The following FARP1 variants were observed in gnomAD, a reference collection of about 807,000 sequenced individuals.
The protein encoded by FARP1 is FERM, ARHGEF and pleckstrin domain-containing protein 1.
A neutral mutation model predicts 128.8 loss-of-function variants in FARP1; 52 were observed. That is an observed-to-expected ratio of 0.40 (90% CI 0.32 to 0.51). The LOEUF (loss-of-function observed/expected upper bound fraction) is 0.51, where lower values mean the gene tolerates loss of function less well. Ranked by LOEUF, FARP1 falls within the 20% of genes least tolerant of loss-of-function variation. The probability of loss-of-function intolerance (pLI) is 0.45; values close to 1 mark genes in which losing one functional copy is unlikely to be tolerated. For missense variants in FARP1, 1,333 were observed against 1,367.9 expected (o/e 0.97, Z 0.40); for synonymous variants, 580 against 551.8 (o/e 1.05, Z -0.72).
intron 2 of FARP1, among the ~76,000 whole-genome samples, chr13:98,267,445 C>T (rs1884174461): frequency 6.6e-6 from 1 of 152,190 alleles, no homozygotes; most frequent in African/African-American, 2.4e-5. Flanking sequence ...CTTGACTTTT[C>T]TGCTGGTCTG....
intron 1 of FARP1, among the ~76,000 whole-genome samples, chr13:98,191,012 G>A (rs534107865): frequency 1.3e-4 from 20 of 152,264 alleles, no homozygotes; most frequent in African/African-American, 4.8e-4. Flanking sequence ...CTCTGGCACT[G>A]TGCCCACCCA....
chr13:98,395,556 CCTT>C (rs1890497006), intron 13 of FARP1, 80 bp downstream of exon 13: 7 of 1,465,198 alleles, frequency 4.8e-6, no homozygotes, highest in Non-Finnish European at 6.4e-6. Flanking sequence ...GCGAATACGA[CCTT>C]CTTAGAGAAC....
rs142251812 is a variant in FARP1 at position 98,439,134 on chromosome 13, C to T, written c.2371C>T (p.Arg791Trp). 2.2e-5 allele frequency: 35 copies of T among 1,613,748 alleles called. No individual in the cohort carries two copies. Among genetic ancestry groups the T allele is most frequent in the African/African-American group, 1.9e-4 (14 of 74,942 alleles). ...LFNDVLLYTS[R>W]GLTASNQFKV... ...CAACGACGTCCTGCTATACACGAGC[C>T]GGGGGCTGACGGCCTCCAATCAGTT... Residue 791 changes from arginine (R) to tryptophan (W), a missense_variant, in exon 21 of 27, where the codon CGG (arginine) becomes TGG (tryptophan). Physicochemically the swap from Arg to Trp is moderately radical, Grantham distance 101 (BLOSUM62 -3). Coordinates refer to ENST00000319562, the MANE Select transcript of FARP1 (RefSeq NM_005766.4).
At chr13:98,347,168 G>A (rs7996974) in intron 3 of FARP1, among the ~76,000 whole-genome samples, 16,058 of 152,184 alleles carry the variant, frequency 0.11, 1,104 homozygotes, top group African/African-American at 0.19. Flanking sequence ...GTCTCTTAGC[G>A]TGCAACCCAG....
intron 16 of FARP1, among the ~76,000 whole-genome samples, chr13:98,422,350 G>C (rs534688150): frequency 1.9e-4 from 29 of 152,268 alleles, no homozygotes; most frequent in African/African-American, 6.3e-4. Context: ...AGTGGGGAGA[G>C]ATTCGTTTAA....
intron 2 of FARP1, among the ~76,000 whole-genome samples, chr13:98,306,421 A>G (rs1443725922): frequency 6.6e-6 from 1 of 152,240 alleles, no homozygotes; most frequent in Non-Finnish European, 1.5e-5. Flanking sequence ...ACAGTCGAAG[A>G]GTTTTAGTCA....
At chr13:98,374,476 C>T (rs1889491915) in intron 5 of FARP1, among the ~76,000 whole-genome samples, 1 of 152,144 alleles carries the variant, frequency 6.6e-6, no homozygotes, top group South Asian at 2.1e-4. Context: ...TCTAGGACCA[C>T]ATATTGCATC....
At chr13:98,237,031 C>T (rs1018023904) in intron 2 of FARP1, among the ~76,000 whole-genome samples, 3 of 151,040 alleles carry the variant, frequency 2.0e-5, no homozygotes, top group East Asian at 2.0e-4. Context: ...AGGCCGGGCG[C>T]GTGTGGCTCA....
chr13:98,175,009 C>T (rs7335152), intron 1 of FARP1, among the ~76,000 whole-genome samples: 23,790 of 152,044 alleles, frequency 0.16, 2,367 homozygotes, highest in Middle Eastern at 0.26. Context: ...GTCAAAATCA[C>T]GTGGAAAGTT....
At chr13:98,227,529 A>C (rs1881866542) in intron 2 of FARP1, among the ~76,000 whole-genome samples, 1 of 152,080 alleles carries the variant, frequency 6.6e-6, no homozygotes, top group African/African-American at 2.4e-5. Context: ...GTTGGTGAGA[A>C]TGTAAGATGG....
chr13:98,453,079 G>T lies in FARP1; in HGVS notation c.*4762G>T. ...GTGGCTCCCAGTGGCGCACCTCTTC[G>T]GTGGAGTCAGCGAAGGCTCTCGTTG... On this transcript the variant is annotated 3_prime_UTR_variant, in exon 27 of 27. Coordinates refer to ENST00000319562, the MANE Select transcript of FARP1 (RefSeq NM_005766.4). The T allele has an allele frequency of 2.1e-6, 3 of 1,462,752 alleles. No individual in the cohort carries two copies. The highest frequency in any genetic ancestry group is 2.8e-6 in the Non-Finnish European group (3 of 1,056,502). 90.6% of individuals were successfully genotyped at this position (1,462,752 alleles called of 1,614,324 possible). A position where few individuals can be genotyped will look rare whatever the true frequency, so the allele number is the denominator to read the frequency against.
intron 2 of FARP1, among the ~76,000 whole-genome samples, chr13:98,243,463 A>T (rs567672032): frequency 6.6e-6 from 1 of 151,892 alleles, no homozygotes. Flanking sequence ...TGGAAGGCTG[A>T]GGGGGGTGGA....
chr13:98,273,831 G>T (rs1194692917), intron 2 of FARP1, among the ~76,000 whole-genome samples: 1 of 152,198 alleles, frequency 6.6e-6, no homozygotes, highest in African/African-American at 2.4e-5. Context: ...TCACACAGTA[G>T]CGGGCCCAGC....
rs565788794 is a variant in FARP1 at position 98,188,319 on chromosome 13, C to T, written c.-23-24901C>T. ...CTGTAATCCCAGCACTTTGGGAGGC[C>T]GAGGCGGGCGGATCACGAGGTCAGG... On this transcript the variant is annotated intron_variant, in intron 1 of 26. Coordinates refer to ENST00000319562, the MANE Select transcript of FARP1 (RefSeq NM_005766.4). Among the ~76,000 whole-genome samples, 197 of 152,092 alleles carry T rather than the reference C, an allele frequency of 1.3e-3. 1 individual carries two copies. Among genetic ancestry groups the T allele is most frequent in the Non-Finnish European group, 1.7e-3 (114 of 67,992 alleles).
At chr13:98,212,501 G>T (rs534983558) in intron 1 of FARP1, among the ~76,000 whole-genome samples, 1 of 152,048 alleles carries the variant, frequency 6.6e-6, no homozygotes, top group African/African-American at 2.4e-5. Flanking sequence ...GAAGCTGAGG[G>T]TGTCATTAGA....
Position 98,181,968 on chromosome 13 carries a change from G to T in FARP1, c.-23-31252G>T, listed in dbSNP as rs532158310. 2.6e-5 allele frequency among the ~76,000 whole-genome samples: 4 copies of T among 152,084 alleles called. No individual in the cohort carries two copies. In the East Asian group the frequency reaches 7.7e-4, roughly 29 times the overall value. Reference sequence around the variant, plus strand: ...TGACTTCATTGCAAGAGAGATTAGCGCTATCTTTTAGAAACTAAATTTATG... The same window carrying T: ...TGACTTCATTGCAAGAGAGATTAGCTCTATCTTTTAGAAACTAAATTTATG... On this transcript the variant is annotated intron_variant, in intron 1 of 26. Transcript: ENST00000319562.
At chr13:98,346,764 T>A (rs537280430) in intron 3 of FARP1, among the ~76,000 whole-genome samples, 1 of 152,170 alleles carries the variant, frequency 6.6e-6, no homozygotes, top group East Asian at 1.9e-4. Flanking sequence ...GTTCTTTTGA[T>A]AGAATGGATC....
At chr13:98,202,246 G>C (rs1879999757) in intron 1 of FARP1, among the ~76,000 whole-genome samples, 1 of 152,184 alleles carries the variant, frequency 6.6e-6, no homozygotes, top group Non-Finnish European at 1.5e-5. Flanking sequence ...TAAGAGCAGA[G>C]CCAGATGCAC....
chr13:98,447,844 C>CA (rs60019968), intron 26 of FARP1: 83,295 of 183,652 alleles, frequency 0.45, 18,064 homozygotes, highest in Non-Finnish European at 0.48. Context: ...GACCCTGTCT[C>CA]AAAAAAAAAA....
Sources: gnomAD v4.1 joint callset for allele counts (sites outside exome capture counted in the v4.1 genomes callset) on GRCh38, gnomAD v4.1.1 for gene constraint, MANE v1.5 for transcripts, NCBI Gene and HGNC (gene_info 2026-07-23, HGNC 2026-07-21) for gene names.